TLX3: variants seen among roughly 807,000 people sequenced by gnomAD.
TLX3 encodes the protein T cell leukemia homeobox 3.
In TLX3, 11 loss-of-function variants were observed where a neutral mutation model predicts 19.6. That is an observed-to-expected ratio of 0.56 (90% CI 0.35 to 0.93). TLX3 has a LOEUF of 0.93. Among genes scored for constraint, TLX3 ranks in the 40% least tolerant of loss-of-function variants. The probability of loss-of-function intolerance (pLI) is 0.01; values close to 1 mark genes in which losing one functional copy is unlikely to be tolerated. For missense variants in TLX3, 375 were observed against 418.6 expected, an observed-to-expected ratio of 0.90 and a Z score of 0.91; for synonymous variants, 221 against 188.1, an observed-to-expected ratio of 1.17 and a Z score of -1.43.
At position 171,309,568 on chromosome 5, in the gene TLX3, C is replaced by T; in HGVS notation, c.203C>T (p.Ala68Val). Residue 68 changes from alanine to valine, a missense_variant, in exon 1 of 3, where the codon GCG becomes GTG. Coordinates refer to ENST00000296921, the MANE Select transcript of TLX3 (RefSeq NM_021025.4). ...SLPASFAGLG[A>V]PFEDAGSYSV... ...CCCGCCTCCTTTGCGGGCCTCGGCG[C>T]GCCCTTCGAGGACGCGGGATCTTAC... The T allele has an allele frequency of 6.3e-7, 1 of 1,588,562 alleles. No homozygotes were observed.
Position 171,309,530 on chromosome 5 carries a change from A to T in TLX3, c.165A>T (p.Thr55=). ...GGPPGGRPGA[T]YPSLPASFAG... is the part of the protein sequence containing the mutation. ...CCCCCGGGGGCCGTCCGGGCGCCAC[A>T]TACCCGTCTCTGCCCGCCTCCTTTG... The change falls in exon 1 of 3, where the codon ACA becomes ACT. Residue 55 remains threonine (T), a synonymous_variant. Coordinates refer to ENST00000296921, the MANE Select transcript of TLX3 (RefSeq NM_021025.4). The T allele has an allele frequency of 4.5e-6, 7 of 1,571,440 alleles. No homozygotes were observed. The highest frequency in any genetic ancestry group is 2.4e-5 in the East Asian group (1 of 42,382).
At chr5:171,310,666 C>T (rs1461017306) in intron 2 of TLX3, among the ~76,000 whole-genome samples, 2 of 151,718 alleles carry the variant, frequency 1.3e-5, no homozygotes, top group South Asian at 2.1e-4. Context: ...ACTCTCTCCC[C>T]GTGTTTTGTA....
In TLX3 at chr5:171,309,519, C is replaced by A; in HGVS notation, c.154C>A (p.Pro52Thr). ...CCTGGGAGGGCCCCCCGGGGGCCGT[C>A]CGGGCGCCACATACCCGTCTCTGCC... The part of the protein sequence containing the change: ...SYLGGPPGGR[P>T]GATYPSLPAS... Residue 52 changes from proline (P) to threonine (T), a missense_variant, in exon 1 of 3, where the codon CCG (proline) becomes ACG (threonine). By Grantham distance (38) the Pro-to-Thr change is conservative. Transcript: ENST00000296921. 1 of 1,564,442 alleles carries A rather than the reference C, an allele frequency of 6.4e-7. No individual in the cohort carries two copies.
At position 171,310,010 on chromosome 5, in the gene TLX3, G is replaced by C; in HGVS notation, c.422-140G>C. ...CAGGGGGCGAGGGGGTCTCCCGACC[G>C]GCTTGGTGTCTCTGGAAACGCGCGC... is the stretch of plus-strand genomic sequence containing the variant. On this transcript the variant is annotated intron_variant, in intron 1 of 2. Transcript: ENST00000296921. 5 of 1,381,646 alleles carry C rather than the reference G, an allele frequency of 3.6e-6. No homozygotes were observed. In the South Asian group the frequency reaches 7.5e-5, roughly 21 times the overall value. The allele number at this position is 1,381,646 out of a possible 1,614,324, so 85.6% of individuals were successfully genotyped here.
chr5:171,310,515 C>G, intron 2 of TLX3, 122 bp downstream of exon 2: 1 of 1,255,374 alleles, frequency 8.0e-7, no homozygotes, highest in Non-Finnish European at 1.1e-6. Flanking sequence ...CTGCCTCCCC[C>G]AAACACACCC....
rs919445569 is a variant in TLX3, at chr5:171,311,878, C to G, written c.*279C>G. 1.0e-5 allele frequency: 3 copies of G among 290,884 alleles called. No individual in the cohort carries two copies. Among genetic ancestry groups the G allele is most frequent in the African/African-American group, 6.6e-5 (3 of 45,598 alleles). 18.0% of individuals were successfully genotyped at this position (290,884 alleles called of 1,614,324 possible). A position where few individuals can be genotyped will look rare whatever the true frequency, so the allele number is the denominator to read the frequency against. On this transcript the variant is annotated 3_prime_UTR_variant, in exon 3 of 3. Transcript: ENST00000296921. This position sits in a 1 kb window ranked among gnomAD's most constrained non-coding sequence, Gnocchi z 5.1. ...TACGTTTCTCCGCCCCCCGCCCGCA[C>G]CCCCCGGGCCGGGCGCCTGTATTAT...
At position 171,311,760 on chromosome 5, in the gene TLX3, G is replaced by A. The variant is rs933426683; in HGVS notation, c.*161G>A. 3 of 511,442 alleles carry A rather than the reference G, an allele frequency of 5.9e-6. No homozygotes were observed. Among genetic ancestry groups the A allele is most frequent in the East Asian group, 3.6e-5 (1 of 27,894 alleles). 31.7% of individuals were successfully genotyped at this position (511,442 alleles called of 1,614,324 possible). A position where few individuals can be genotyped will look rare whatever the true frequency, so the allele number is the denominator to read the frequency against. ...GCCACAGACTGGCGGGCCGCGGAAGGGGGTAGGGCCCGAGCTCCGCGCGGC... is the reference window on the plus strand; with the variant it reads ...GCCACAGACTGGCGGGCCGCGGAAGAGGGTAGGGCCCGAGCTCCGCGCGGC... On this transcript the variant is annotated 3_prime_UTR_variant, in exon 3 of 3. Coordinates refer to ENST00000296921, the MANE Select transcript of TLX3 (RefSeq NM_021025.4). The surrounding 1 kb of genome is among the most constrained non-coding windows in gnomAD (Gnocchi z 5.1).
In TLX3 at chr5:171,309,516, C is replaced by T; in HGVS notation, c.151C>T (p.Arg51Cys). Residue 51 changes from arginine to cysteine, a missense_variant, in exon 1 of 3, where the codon CGT (arginine) becomes TGT (cysteine). By Grantham distance (180) the Arg-to-Cys change is radical. Transcript: ENST00000296921. ...ASYLGGPPGG[R>C]PGATYPSLPA... ...CTACCTGGGAGGGCCCCCCGGGGGC[C>T]GTCCGGGCGCCACATACCCGTCTCT... 6.4e-7 allele frequency: 1 copy of T among 1,564,304 alleles called. No individual in the cohort carries two copies. Among genetic ancestry groups the T allele is most frequent in the Non-Finnish European group, 8.6e-7 (1 of 1,158,088 alleles).
chr5:171,309,482 C>A lies in TLX3; in HGVS notation c.117C>A (p.Asp39Glu), dbSNP rs1409056428. ...GCGCACCCGCCCCGCGGGGCCCCGA[C>A]GGCGCCAGCTACCTGGGAGGGCCCC... is the stretch of plus-strand genomic sequence containing the variant. ...QDSAPAPRGP[D>E]GASYLGGPPG... Residue 39 changes from aspartate to glutamate, a missense_variant, in exon 1 of 3, where the codon GAC (aspartate) becomes GAA (glutamate). Around this residue, in one of 3 missense-constraint regions of TLX3, gnomAD observed 239 missense variants for 217.0 expected, o/e 1.10. Coordinates refer to ENST00000296921, the MANE Select transcript of TLX3 (RefSeq NM_021025.4). 2 of 1,589,424 alleles carry A rather than the reference C, an allele frequency of 1.3e-6. No individual in the cohort carries two copies. Among genetic ancestry groups the A allele is most frequent in the South Asian group, 2.3e-5 (2 of 88,794 alleles).
At position 171,309,728 on chromosome 5, in the gene TLX3, C is replaced by T. The variant is rs759903402; in HGVS notation, c.363C>T (p.Gly121=). Residue 121 remains glycine, a synonymous_variant, in exon 1 of 3, where the codon GGC becomes GGT. Transcript: ENST00000296921. ...CCGTGCCCACGGTCTCCAGCCTTGG[C>T]GGTCTCAATTTCCCCTGGATGGAGA... ...MPSVPTVSSL[G]GLNFPWMESS... The T allele has an allele frequency of 2.5e-6, 4 of 1,610,768 alleles. No individual in the cohort carries two copies. In the South Asian group the frequency reaches 3.3e-5, roughly 13 times the overall value.
Position 171,310,277 on chromosome 5 carries a change from G to C in TLX3, c.549G>C (p.Lys183Asn). Residue 183 changes from lysine to asparagine, a missense_variant, in exon 2 of 3, where the codon AAG becomes AAC. Lys to Asn is a moderately conservative substitution (Grantham distance 94). Coordinates refer to ENST00000296921, the MANE Select transcript of TLX3 (RefSeq NM_021025.4). ...GGGTGCAGATCTGCGAGCTGGAAAA[G>C]CGCTTCCATCGCCAGAAGTACCTGG... ...FSRVQICELE[K>N]RFHRQKYLAS... The C allele has an allele frequency of 6.3e-7, 1 of 1,588,726 alleles. No homozygotes were observed. The highest frequency in any genetic ancestry group is 8.6e-7 in the Non-Finnish European group (1 of 1,168,150).
At chr5:171,310,501 C>G (rs1769201484) in intron 2 of TLX3, 108 bp downstream of exon 2, 2 of 1,367,524 alleles carry the variant, frequency 1.5e-6, no homozygotes, top group South Asian at 2.9e-5. Context: ...ACCCCCGCCC[C>G]CCTCTGCCTC....
rs2113030776 is a variant in TLX3 at position 171,311,326 on chromosome 5, C to T, written c.666-63C>T. The T allele has an allele frequency of 1.4e-6, 2 of 1,465,088 alleles. No individual in the cohort carries two copies. The highest frequency in any genetic ancestry group is 9.1e-7 in the Non-Finnish European group (1 of 1,096,410). 90.8% of individuals were successfully genotyped at this position (1,465,088 alleles called of 1,614,324 possible). On this transcript the variant is annotated intron_variant, in intron 2 of 2. Coordinates refer to ENST00000296921, the MANE Select transcript of TLX3 (RefSeq NM_021025.4). This position sits in a 1 kb window ranked among gnomAD's most constrained non-coding sequence, Gnocchi z 5.1. ...CTCGGCTCCCGGGAGGGCCGGGGCC[C>T]CGCCGGCGGCCCCGCGGTGCCGGGT... is the stretch of plus-strand genomic sequence containing the variant.
In TLX3 at chr5:171,311,347, C is replaced by T. The variant is rs1293611344; in HGVS notation, c.666-42C>T. 1.3e-6 allele frequency: 2 copies of T among 1,522,624 alleles called. No individual in the cohort carries two copies. The highest frequency in any genetic ancestry group is 1.8e-6 in the Non-Finnish European group (2 of 1,131,964). 94.3% of individuals were successfully genotyped at this position (1,522,624 alleles called of 1,614,324 possible). A position where few individuals can be genotyped will look rare whatever the true frequency, so the allele number is the denominator to read the frequency against. ...GGCCCCGCCGGCGGCCCCGCGGTGCCGGGTGCATGACGGTACTGTCCCTCT... is the reference window on the plus strand; with the variant it reads ...GGCCCCGCCGGCGGCCCCGCGGTGCTGGGTGCATGACGGTACTGTCCCTCT... On this transcript the variant is annotated intron_variant, in intron 2 of 2. Transcript: ENST00000296921. The surrounding 1 kb of genome is among the most constrained non-coding windows in gnomAD (Gnocchi z 5.1).
rs554106703 is a variant in TLX3, at chr5:171,309,282, G to A, written c.-84G>A. ...TGGCAAAGTTTCAGTGCGACGAGAG[G>A]CGCCGGGCGCTCCATGGCCGCGCCG... On this transcript the variant is annotated 5_prime_UTR_variant, in exon 1 of 3. Coordinates refer to ENST00000296921, the MANE Select transcript of TLX3 (RefSeq NM_021025.4). 1.8e-4 allele frequency: 217 copies of A among 1,193,788 alleles called. 1 individual carries two copies. The African/African-American group carries it at 3.2e-3, about 18-fold the overall frequency. The allele number at this position is 1,193,788 out of a possible 1,614,324, so 73.9% of individuals were successfully genotyped here. A position where few individuals can be genotyped will look rare whatever the true frequency, so the allele number is the denominator to read the frequency against.
Position 171,309,445 on chromosome 5 carries a change from C to A in TLX3, c.80C>A (p.Pro27Gln). ...GGCATCGACCAGATCCTTAACAGCCCGGACCAGGACAGCGCACCCGCCCCG... is the reference window on the plus strand; with the variant it reads ...GGCATCGACCAGATCCTTAACAGCCAGGACCAGGACAGCGCACCCGCCCCG... ...SFGIDQILNS[P>Q]DQDSAPAPRG... Residue 27 changes from proline to glutamine, a missense_variant, in exon 1 of 3, where the codon CCG (proline) becomes CAG (glutamine). Transcript: ENST00000296921. 4 of 1,605,522 alleles carry A rather than the reference C, an allele frequency of 2.5e-6. No individual in the cohort carries two copies. Among genetic ancestry groups the A allele is most frequent in the Non-Finnish European group, 3.4e-6 (4 of 1,176,654 alleles).
rs1166176489 is a variant in TLX3 at position 171,311,423 on chromosome 5, C to T, written c.700C>T (p.Gln234Ter). The T allele has an allele frequency of 6.4e-7, 1 of 1,566,030 alleles. No individual in the cohort carries two copies. The highest frequency in any genetic ancestry group is 8.6e-7 in the Non-Finnish European group (1 of 1,156,692). The change falls in exon 3 of 3, where the codon CAG becomes TAG. Residue 234 changes from glutamine to a stop codon, truncating the protein, a stop_gained. Transcript: ENST00000296921. LOFTEE classifies it high-confidence loss of function. This position sits in a 1 kb window ranked among gnomAD's most constrained non-coding sequence, Gnocchi z 5.1. ...GGCGGAGGAGCGGGAGGCGGAGCGG[C>T]AGCAGGCGAGCCGGCTCATGCTGCA... ...QTAEEREAER[Q>*]QASRLMLQLQ...
Position 171,311,713 on chromosome 5 carries a change from C to A in TLX3, c.*114C>A, listed in dbSNP as rs1235243320. 2 of 749,916 alleles carry A rather than the reference C, an allele frequency of 2.7e-6. No individual in the cohort carries two copies. Among genetic ancestry groups the A allele is most frequent in the Non-Finnish European group, 4.1e-6 (2 of 485,684 alleles). The allele number at this position is 749,916 out of a possible 1,614,324, so 46.5% of individuals were successfully genotyped here. ...GCCGAGAGGGGAAGGGGCCGCCTAG[C>A]CCGAGTAGGCCCCAGGGCGCGGCCA... On this transcript the variant is annotated 3_prime_UTR_variant, in exon 3 of 3. Transcript: ENST00000296921. The surrounding 1 kb of genome is among the most constrained non-coding windows in gnomAD (Gnocchi z 5.1).
rs998751650 is a variant in TLX3, at chr5:171,311,297, T to A, written c.666-92T>A. 3.7e-5 allele frequency: 43 copies of A among 1,149,160 alleles called. No homozygotes were observed. Among genetic ancestry groups the A allele is most frequent in the Non-Finnish European group, 4.5e-5 (37 of 827,904 alleles). 71.2% of individuals were successfully genotyped at this position (1,149,160 alleles called of 1,614,324 possible). A position where few individuals can be genotyped will look rare whatever the true frequency, so the allele number is the denominator to read the frequency against. On this transcript the variant is annotated intron_variant, in intron 2 of 2. Transcript: ENST00000296921. The surrounding 1 kb of genome is among the most constrained non-coding windows in gnomAD (Gnocchi z 5.1). Reference sequence around the variant, plus strand: ...GGTTCTGCGCCTCGAGGCTCCCGGATGGCCTCGGCTCCCGGGAGGGCCGGG... The same window carrying A: ...GGTTCTGCGCCTCGAGGCTCCCGGAAGGCCTCGGCTCCCGGGAGGGCCGGG...
Sources: allele counts gnomAD v4.1 joint callset (sites outside exome capture counted in the v4.1 genomes callset), GRCh38; gene constraint gnomAD v4.1.1; regional missense constraint gnomAD v4.1.1; non-coding constraint Gnocchi (gnomAD v3.1); transcripts MANE v1.5; gene names NCBI Gene and HGNC (gene_info 2026-07-23, HGNC 2026-07-21).